Variants in PSMA6 observed in about 807,000 individuals in gnomAD.
PSMA6 encodes proteasome 20S subunit alpha 6, also known as proteasome subunit alpha type-6.
For synonymous variants in PSMA6, 88 were observed against 97.7 expected (o/e 0.90, Z 0.59); for missense variants, 170 against 294.8 (o/e 0.58, Z 3.10).
intron 1 of PSMA6, among the ~76,000 whole-genome samples, chr14:35,297,171 T>G (rs570664902): frequency 7.1e-6 from 1 of 141,508 alleles, no homozygotes; most frequent in Admixed American, 7.5e-5. Context: ...AAATTGAATA[T>G]GAATATACTT....
At chr14:35,298,311 G>C (rs1023378452) in intron 1 of PSMA6, among the ~76,000 whole-genome samples, 15 of 152,058 alleles carry the variant, frequency 9.9e-5, no homozygotes, top group Non-Finnish European at 1.9e-4. Context: ...CCCACATGGT[G>C]AAACCCTATC....
chr14:35,304,631 C>G (rs1365308830), intron 1 of PSMA6, among the ~76,000 whole-genome samples: 1 of 151,022 alleles, frequency 6.6e-6, no homozygotes. Flanking sequence ...TCGGGAGGCT[C>G]AGGCAGAATT....
intron 1 of PSMA6, among the ~76,000 whole-genome samples, chr14:35,302,404 T>A (rs1035565844): frequency 2.0e-5 from 3 of 148,322 alleles, no homozygotes; most frequent in African/African-American, 4.8e-5. Flanking sequence ...AACACACACT[T>A]ATTATGTCAT....
chr14:35,302,845 A>G (rs2051742961), intron 1 of PSMA6, among the ~76,000 whole-genome samples: 1 of 151,946 alleles, frequency 6.6e-6, no homozygotes, highest in Non-Finnish European at 1.5e-5. Context: ...TCAGTTCTAC[A>G]ATTTCCTTTT....
chr14:35,303,099 G>A (rs1256919493), intron 1 of PSMA6, among the ~76,000 whole-genome samples: 1 of 152,084 alleles, frequency 6.6e-6, no homozygotes. Flanking sequence ...TGAGAGTTCC[G>A]GATTGTATCC....
At chr14:35,308,445 G>T in intron 2 of PSMA6, 1 of 184,142 alleles carries the variant, frequency 5.4e-6, no homozygotes, top group Non-Finnish European at 1.1e-5. Flanking sequence ...AAAAAGAAAA[G>T]AAAAAAGAAT....
intron 3 of PSMA6, chr14:35,310,076 AG>A (rs2051912000): frequency 8.5e-6 from 3 of 353,930 alleles, no homozygotes; most frequent in Non-Finnish European, 1.7e-5. Flanking sequence ...TCAAGGCTGC[AG>A]TGAGCTATGA....
chr14:35,303,020 A>T (rs1301970135), intron 1 of PSMA6, among the ~76,000 whole-genome samples: 1 of 152,144 alleles, frequency 6.6e-6, no homozygotes, highest in African/African-American at 2.4e-5. Context: ...TAAACACAAT[A>T]TTCCTGGTTT....
At chr14:35,290,115 C>T (rs143433980), upstream of PSMA6, among the ~76,000 whole-genome samples, 166 of 151,974 alleles carry the variant, frequency 1.1e-3, 1 homozygote, top group African/African-American at 3.7e-3. Flanking sequence ...TTTGAGGTGC[C>T]ATATGTCTCA....
At chr14:35,284,223 G>A (rs1489716741) in intron 1 of PSMA6, among the ~76,000 whole-genome samples, 2 of 152,024 alleles carry the variant, frequency 1.3e-5, no homozygotes, top group East Asian at 3.8e-4. Context: ...CCTAAACACA[G>A]GATCTTTTTT....
chr14:35,300,378 T>C (rs1029555995), intron 1 of PSMA6, among the ~76,000 whole-genome samples: 2 of 151,756 alleles, frequency 1.3e-5, no homozygotes, highest in African/African-American at 4.8e-5. Context: ...GAGGCTGAGG[T>C]AGGAGGATTG....
intron 1 of PSMA6, 144 bp downstream of exon 1, chr14:35,292,696 C>G (rs1419131562): frequency 1.1e-5 from 15 of 1,422,808 alleles, no homozygotes; most frequent in Non-Finnish European, 1.4e-5. Context: ...CTGGATTGAG[C>G]TCTGTGGTGT....
intron 1 of PSMA6, among the ~76,000 whole-genome samples, chr14:35,296,940 C>T (rs1303597880): frequency 1.4e-5 from 2 of 148,138 alleles, no homozygotes; most frequent in African/African-American, 5.0e-5. Context: ...ACCTCATATT[C>T]CCCCTCTCTT....
intron 2 of PSMA6, 140 bp downstream of exon 2, chr14:35,308,228 C>A: frequency 9.4e-7 from 1 of 1,059,454 alleles, no homozygotes; most frequent in Non-Finnish European, 1.3e-6. Context: ...TCTAGACCAG[C>A]GTGACCAACA....
upstream of PSMA6, among the ~76,000 whole-genome samples, chr14:35,291,470 T>C (rs1438050033): frequency 6.6e-6 from 1 of 152,082 alleles, no homozygotes; most frequent in African/African-American, 2.4e-5. Flanking sequence ...TCCGCCCGCC[T>C]TGGTCTCCCA....
At chr14:35,279,996 G>A (rs1459522148) in intron 1 of PSMA6, among the ~76,000 whole-genome samples, 1 of 151,750 alleles carries the variant, frequency 6.6e-6, no homozygotes, top group Non-Finnish European at 1.5e-5. Context: ...GTGGTGGCAG[G>A]TGCCTGTAAT....
At chr14:35,314,741 T>C (rs1566564418) in intron 6 of PSMA6, 5 of 174,906 alleles carry the variant, frequency 2.9e-5, no homozygotes. Flanking sequence ...GCATAAGTGT[T>C]TTCTTTTTTT....
At chr14:35,288,429 C>T (rs191478091), upstream of PSMA6, among the ~76,000 whole-genome samples, 9 of 152,242 alleles carry the variant, frequency 5.9e-5, no homozygotes, top group South Asian at 2.1e-4. Flanking sequence ...ACCCAGGAGA[C>T]GGAAGTTGCA....
At chr14:35,293,794 G>A (rs1354101263) in intron 1 of PSMA6, among the ~76,000 whole-genome samples, 3 of 152,062 alleles carry the variant, frequency 2.0e-5, no homozygotes, top group South Asian at 2.1e-4. Flanking sequence ...AATAATTTTC[G>A]TATATTAGAC....
Sources: allele counts gnomAD v4.1 joint callset (sites outside exome capture counted in the v4.1 genomes callset), GRCh38; gene constraint gnomAD v4.1.1; transcripts MANE v1.5; gene names NCBI Gene and HGNC (gene_info 2026-07-23, HGNC 2026-07-21).